Variants in HCK observed in about 807,000 individuals in gnomAD.
The protein encoded by HCK is HCK proto-oncogene, Src family tyrosine kinase.
In HCK, 40 loss-of-function variants were observed where a neutral mutation model predicts 70.4. The observed-to-expected ratio is 0.57, with a 90% CI of 0.44 to 0.74. The LOEUF is 0.74. Among genes scored for constraint, HCK ranks in the 30% least tolerant of loss-of-function variants. The pLI is 0.00. For missense variants in HCK, 568 were observed against 697.2 expected, an observed-to-expected ratio of 0.81 and a Z score of 2.09; for synonymous variants, 245 against 263.2, an observed-to-expected ratio of 0.93 and a Z score of 0.67.
intron 11 of HCK, 69 bp from the exon 12 acceptor site, chr20:32,098,932 TCCC>T (rs1168249477): frequency 1.9e-6 from 3 of 1,546,360 alleles, no homozygotes; most frequent in East Asian, 2.3e-5. Context: ...CCTTGCCTGT[TCCC>T]CCACCTTAGC....
In HCK at chr20:32,073,818, A is replaced by G. The variant is rs775916901; in HGVS notation, c.329A>G (p.Glu110Gly). 6.5e-7 allele frequency: 1 copy of G among 1,535,432 alleles called. No homozygotes were observed. Among genetic ancestry groups the G allele is most frequent in the South Asian group, 1.2e-5 (1 of 83,840 alleles). The change falls in exon 4 of 13, where the codon GAA becomes GGA. Residue 110 changes from glutamate to glycine, a missense_variant and splice_region_variant. Physicochemically the swap from Glu to Gly is moderately conservative, Grantham distance 98. Around this residue, in one of 4 missense-constraint regions of HCK, gnomAD observed 318 missense variants for 336.0 expected, o/e 0.95. Transcript: ENST00000375852. The stretch of plus-strand genomic sequence containing the variant: ...GGGGACCAGATGGTGGTCCTAGAGG[A>G]GTGAGTCCCCATCCCACTCCCCCTA...
At chr20:32,086,960 C>T (rs1188838592) in intron 9 of HCK, among the ~76,000 whole-genome samples, 153 bp downstream of exon 9, 4 of 152,218 alleles carry the variant, frequency 2.6e-5, no homozygotes, top group African/African-American at 9.6e-5. Flanking sequence ...TAATGTGGAA[C>T]AATCCAGCCC....
chr20:32,058,130 G>C (rs1202194759), intron 1 of HCK, among the ~76,000 whole-genome samples: 3 of 152,110 alleles, frequency 2.0e-5, no homozygotes, highest in African/African-American at 7.2e-5. Flanking sequence ...AGTGGGTACA[G>C]TACAGTAGAC....
At chr20:32,060,882 G>GA (rs1299963180) in intron 1 of HCK, among the ~76,000 whole-genome samples, 1 of 151,032 alleles carries the variant, frequency 6.6e-6, no homozygotes, top group Admixed American at 6.6e-5. Flanking sequence ...GTCCACTAAT[G>GA]AAAAAGAAAA....
chr20:32,087,109 G>A (rs1431136842), intron 9 of HCK, among the ~76,000 whole-genome samples: 2 of 152,186 alleles, frequency 1.3e-5, no homozygotes, highest in Non-Finnish European at 2.9e-5. Flanking sequence ...GAGCCTTAGA[G>A]GCCAGGGTGT....
At chr20:32,067,967 T>TTA (rs1337226524) in intron 1 of HCK, among the ~76,000 whole-genome samples, 55 of 152,318 alleles carry the variant, frequency 3.6e-4, no homozygotes, top group African/African-American at 1.3e-3. Context: ...TTGTTTCTTT[T>TTA]TACTTTAAGA....
intron 9 of HCK, among the ~76,000 whole-genome samples, chr20:32,087,871 T>C (rs1299676913): frequency 6.6e-6 from 1 of 152,082 alleles, no homozygotes; most frequent in Non-Finnish European, 1.5e-5. Flanking sequence ...CTCAATCTCC[T>C]GACCTTGTGA....
At chr20:32,069,033 C>G (rs2045500783) in intron 1 of HCK, among the ~76,000 whole-genome samples, 1 of 152,232 alleles carries the variant, frequency 6.6e-6, no homozygotes, top group African/African-American at 2.4e-5. Flanking sequence ...GTTGCAGTAT[C>G]TCTAGGCTTG....
chr20:32,052,319 G>A lies in HCK; in HGVS notation c.-106G>A, dbSNP rs911063203. The A allele has an allele frequency of 1.3e-6, 1 of 793,778 alleles. No individual in the cohort carries two copies. The highest frequency in any genetic ancestry group is 1.8e-6 in the Non-Finnish European group (1 of 568,228). The allele number at this position is 793,778 out of a possible 1,614,324, so 49.2% of individuals were successfully genotyped here. On this transcript the variant is annotated 5_prime_UTR_variant, in exon 1 of 13. Transcript: ENST00000375852. Reference sequence around the variant, plus strand: ...GGAAGGGACTCAGACAGTGCAGGACGAGAAACGCCCGCGGCACCAAAGCCC... The same window carrying A: ...GGAAGGGACTCAGACAGTGCAGGACAAGAAACGCCCGCGGCACCAAAGCCC...
At chr20:32,073,583 T>C (rs1210182323) in intron 3 of HCK, 133 bp from the exon 4 acceptor site, 1 of 674,820 alleles carries the variant, frequency 1.5e-6, no homozygotes, top group Non-Finnish European at 2.6e-6. Context: ...ACACCCAGCA[T>C]GGTGAGACGC....
rs765861376 is a variant in HCK at position 32,074,618 on chromosome 20, C to T, written c.330-5C>T. On this transcript the variant is annotated splice_region_variant and splice_polypyrimidine_tract_variant and intron_variant, in intron 4 of 12. Transcript: ENST00000375852. ...CTAACACCTTTACTCCCTCATGTCC[C>T]TCAGATCCGGGGAGTGGTGGAAGGC... is the stretch of plus-strand genomic sequence containing the variant. 1.2e-6 allele frequency: 2 copies of T among 1,605,616 alleles called. No homozygotes were observed. The highest frequency in any genetic ancestry group is 2.2e-5 in the South Asian group (2 of 90,906).
intron 10 of HCK, among the ~76,000 whole-genome samples, chr20:32,092,688 A>G (rs2122610312): frequency 6.6e-6 from 1 of 151,100 alleles, no homozygotes; most frequent in South Asian, 2.1e-4. Context: ...CTCCCTCTCA[A>G]CTTCAACTCT....
At chr20:32,069,864 G>A in intron 1 of HCK, 1 of 768,750 alleles carries the variant, frequency 1.3e-6, no homozygotes, top group Middle Eastern at 3.5e-4. Context: ...ATTTTAACAA[G>A]ATAAGTATAA....
At chr20:32,079,911 C>A in intron 6 of HCK, 34 bp downstream of exon 6, 2 of 1,459,210 alleles carry the variant, frequency 1.4e-6, no homozygotes, top group Non-Finnish European at 1.9e-6. Context: ...GTCCTCCCTG[C>A]CGAGGTGCCC....
chr20:32,087,618 T>C (rs1193709140), intron 9 of HCK, among the ~76,000 whole-genome samples: 2 of 151,226 alleles, frequency 1.3e-5, no homozygotes, highest in Non-Finnish European at 2.9e-5. Flanking sequence ...AGGCATGCAC[T>C]ACCACACCCA....
At chr20:32,086,898 A>G in intron 9 of HCK, 91 bp downstream of exon 9, 1 of 1,192,132 alleles carries the variant, frequency 8.4e-7, no homozygotes, top group South Asian at 1.6e-5. Context: ...CTTGCCCTTG[A>G]GATGGCCCCA....
In HCK at chr20:32,071,775, T is replaced by C. The variant is rs760767518; in HGVS notation, c.176T>C (p.Ile59Thr). The C allele has an allele frequency of 1.2e-6, 2 of 1,613,630 alleles. No individual in the cohort carries two copies. The highest frequency in any genetic ancestry group is 1.7e-6 in the Non-Finnish European group (2 of 1,179,808). The change falls in exon 2 of 13, where the codon ATC becomes ACC. Residue 59 changes from isoleucine (I) to threonine (T), a missense_variant. Ile to Thr is a moderately conservative substitution (Grantham distance 89, BLOSUM62 -1). Around this residue, in one of 4 missense-constraint regions of HCK, gnomAD observed 318 missense variants for 336.0 expected, o/e 0.95. Coordinates refer to ENST00000375852, the MANE Select transcript of HCK (RefSeq NM_002110.5). ...TACGTGCCGGATCCCACATCCACCA[T>C]CAAGCCGGTGAGTAGGGGAGGTCCC...
In HCK at chr20:32,052,395, TG is replaced by T; in HGVS notation, c.-28del. 1 of 1,284,034 alleles carries T rather than the reference TG, an allele frequency of 7.8e-7. No homozygotes were observed. The highest frequency in any genetic ancestry group is 9.9e-7 in the Non-Finnish European group (1 of 1,005,926). 79.5% of individuals were successfully genotyped at this position (1,284,034 alleles called of 1,614,324 possible). Reference sequence around the variant, plus strand: ...TTCTAGAAAGTCAGTTTCCCGGCACTGGCACCCCGGAACCTCAGGGGCTGCC... The same window carrying T: ...TTCTAGAAAGTCAGTTTCCCGGCACTGCACCCCGGAACCTCAGGGGCTGCC... On this transcript the variant is annotated 5_prime_UTR_variant, in exon 1 of 13. Transcript: ENST00000375852.
intron 1 of HCK, chr20:32,054,251 A>C (rs929354820): frequency 4.4e-6 from 2 of 456,254 alleles, no homozygotes; most frequent in Non-Finnish European, 8.8e-6. Context: ...TCCTTCCAGG[A>C]TGTGCCTCTG....
Sources: allele counts gnomAD v4.1 joint callset (sites outside exome capture counted in the v4.1 genomes callset), GRCh38; gene constraint gnomAD v4.1.1; regional missense constraint gnomAD v4.1.1; transcripts MANE v1.5; gene names NCBI Gene and HGNC (gene_info 2026-07-23, HGNC 2026-07-21).